The following UBE3D variants were observed in gnomAD, a reference collection of about 807,000 sequenced individuals.
UBE3D encodes ubiquitin protein ligase E3D.
UBE3D carries 48 observed loss-of-function variants against 49.6 expected under a neutral mutation model. The observed-to-expected ratio is 0.97, with a 90% CI of 0.77 to 1.23. The LOEUF (loss-of-function observed/expected upper bound fraction) is 1.23, where lower values mean the gene tolerates loss of function less well. UBE3D is among the 50% of genes most tolerant of loss of function. The pLI is 0.00. For missense variants in UBE3D, 452 were observed against 468.4 expected (o/e 0.96, Z 0.32); for synonymous variants, 189 against 174.2 (o/e 1.08, Z -0.67).
chr6:82,943,378 C>T lies in UBE3D; in HGVS notation c.1149+13934G>A, dbSNP rs571646056. On this transcript the variant is annotated intron_variant, in intron 9 of 9. Coordinates refer to ENST00000369747, the MANE Select transcript of UBE3D (RefSeq NM_198920.3). ...TCAGCCAGGCACGGTGGCTCATGCCCGTAATCCTAGCACTTTTGAAGCTGA... is the reference window on the plus strand; with the variant it reads ...TCAGCCAGGCACGGTGGCTCATGCCTGTAATCCTAGCACTTTTGAAGCTGA... Among the ~76,000 whole-genome samples, 57 of 152,224 alleles carry T rather than the reference C, an allele frequency of 3.7e-4. No homozygotes were observed. The East Asian group carries it at 9.3e-3, about 25-fold the overall frequency.
the UBE3D span, among the ~76,000 whole-genome samples, chr6:82,886,931 T>C: frequency 6.6e-6 from 1 of 152,322 alleles, no homozygotes; most frequent in East Asian, 1.9e-4. Context: ...TTTTTAACAT[T>C]GGCACTAAAC....
intron 8 of UBE3D, among the ~76,000 whole-genome samples, chr6:83,003,525 G>A (rs866327382): frequency 1.1e-4 from 17 of 152,036 alleles, no homozygotes; most frequent in African/African-American, 3.6e-4. Flanking sequence ...GTCATGTGTC[G>A]CTTAACAACG....
At chr6:82,939,213 C>T (rs188692462) in intron 9 of UBE3D, among the ~76,000 whole-genome samples, 1 of 152,330 alleles carries the variant, frequency 6.6e-6, no homozygotes, top group East Asian at 1.9e-4. Flanking sequence ...CAAAGGCTGC[C>T]CAGAGCCTGC....
intron 5 of UBE3D, among the ~76,000 whole-genome samples, chr6:83,027,933 C>T (rs962732309): frequency 3.3e-5 from 5 of 152,230 alleles, no homozygotes; most frequent in African/African-American, 1.2e-4. Context: ...CTCTTACTCT[C>T]TCTTCTATAT....
chr6:83,022,660 A>T, intron 6 of UBE3D, 99 bp from the exon 7 acceptor site: 1 of 717,896 alleles, frequency 1.4e-6, no homozygotes, highest in Non-Finnish European at 2.2e-6. Flanking sequence ...AAAGGCAGAC[A>T]TATCCACATG....
At chr6:82,932,715 T>C (rs1489263980) in intron 9 of UBE3D, 1 of 152,204 alleles carries the variant, frequency 6.6e-6, no homozygotes, top group African/African-American at 2.4e-5. Flanking sequence ...TTGTATTCTC[T>C]GCCTATAAGT....
At chr6:82,982,200 C>A (rs553412929) in intron 8 of UBE3D, among the ~76,000 whole-genome samples, 6 of 152,260 alleles carry the variant, frequency 3.9e-5, no homozygotes, top group African/African-American at 1.4e-4. Flanking sequence ...ATACTCTCAA[C>A]CCCTGGATCT....
chr6:83,049,214 T>C (rs1050362724), intron 3 of UBE3D, among the ~76,000 whole-genome samples: 2 of 152,160 alleles, frequency 1.3e-5, no homozygotes, highest in African/African-American at 4.8e-5. Flanking sequence ...AGCTTTAAAA[T>C]GATCCATTAA....
chr6:82,973,274 T>G (rs1310302542), intron 8 of UBE3D, among the ~76,000 whole-genome samples: 1 of 152,152 alleles, frequency 6.6e-6, no homozygotes, highest in Non-Finnish European at 1.5e-5. Context: ...ACCAACAAAA[T>G]CTATCAGGTC....
chr6:82,895,614 CT>C (rs911718979), intron 9 of UBE3D, among the ~76,000 whole-genome samples: 2 of 152,176 alleles, frequency 1.3e-5, no homozygotes, highest in Admixed American at 1.3e-4. Flanking sequence ...ATTAAGCCTA[CT>C]TTGATTTTTT....
intron 8 of UBE3D, among the ~76,000 whole-genome samples, chr6:82,967,851 A>G (rs899375592): frequency 1.3e-5 from 2 of 151,962 alleles, no homozygotes; most frequent in African/African-American, 4.8e-5. Context: ...CTATATTATC[A>G]AGGCTAGTTT....
At chr6:82,972,040 T>A (rs868493698) in intron 8 of UBE3D, among the ~76,000 whole-genome samples, 4 of 152,192 alleles carry the variant, frequency 2.6e-5, no homozygotes, top group Middle Eastern at 3.4e-3. Flanking sequence ...CCACATCTGG[T>A]TTCAGCAGAA....
chr6:82,981,821 T>G (rs903994062), intron 8 of UBE3D, among the ~76,000 whole-genome samples: 1 of 152,098 alleles, frequency 6.6e-6, no homozygotes, highest in Non-Finnish European at 1.5e-5. Flanking sequence ...ATTTAAAAAT[T>G]ATTCTCATTT....
intron 8 of UBE3D, among the ~76,000 whole-genome samples, chr6:82,974,387 C>T (rs1777568357): frequency 6.6e-6 from 1 of 152,126 alleles, no homozygotes; most frequent in Non-Finnish European, 1.5e-5. Context: ...ATAACAACAT[C>T]CATGGTGCTC....
In UBE3D at chr6:82,892,769, A is replaced by G. The variant is rs1771029530; in HGVS notation, c.*253T>C. 4.1e-6 allele frequency: 2 copies of G among 487,466 alleles called. No individual in the cohort carries two copies. The highest frequency in any genetic ancestry group is 2.0e-5 in the South Asian group (1 of 49,684). The allele number at this position is 487,466 out of a possible 1,614,324, so 30.2% of individuals were successfully genotyped here. On this transcript the variant is annotated 3_prime_UTR_variant, in exon 10 of 10. Coordinates refer to ENST00000369747, the MANE Select transcript of UBE3D (RefSeq NM_198920.3). ...ATATTCCTCTCTGTGGGAAATAGAG[A>G]TGTAACTTCTACACTTGCCTCAACC... is the stretch of plus-strand genomic sequence containing the variant.
intron 1 of UBE3D, among the ~76,000 whole-genome samples, chr6:83,061,709 A>G (rs1582780406): frequency 1.3e-5 from 2 of 152,358 alleles, no homozygotes; most frequent in South Asian, 2.1e-4. Context: ...CCCAGTTGGT[A>G]GGCTGAAGGT....
intron 9 of UBE3D, among the ~76,000 whole-genome samples, chr6:82,956,158 T>A (rs949751181): frequency 1.3e-5 from 2 of 152,182 alleles, no homozygotes; most frequent in East Asian, 3.9e-4. Context: ...CAAAGCAATA[T>A]ACAATGCTCC....
chr6:82,948,000 G>C lies in UBE3D; in HGVS notation c.1149+9312C>G, dbSNP rs377213844. ...AACCAAACCAAACTCAAAATTAGTA[G>C]AAGAAAAGAAATAGTAAAGATCAGA... On this transcript the variant is annotated intron_variant, in intron 9 of 9. Transcript: ENST00000369747. Among the ~76,000 whole-genome samples the C allele has an allele frequency of 2.0e-3, 310 of 151,656 alleles. 2 individuals are homozygous for C. Among genetic ancestry groups the C allele is most frequent in the African/African-American group, 7.0e-3 (292 of 41,424 alleles).
At chr6:82,949,720 G>A (rs1775652469) in intron 9 of UBE3D, among the ~76,000 whole-genome samples, 1 of 151,820 alleles carries the variant, frequency 6.6e-6, no homozygotes. Flanking sequence ...TACATCTACA[G>A]TGAACTCATT....
Sources: gnomAD v4.1 joint callset for allele counts (sites outside exome capture counted in the v4.1 genomes callset) on GRCh38, gnomAD v4.1.1 for gene constraint, MANE v1.5 for transcripts, NCBI Gene and HGNC (gene_info 2026-07-23, HGNC 2026-07-21) for gene names.